GSN: variants seen among roughly 807,000 people sequenced by gnomAD.
The protein encoded by GSN is actin-depolymerizing factor.
Under a neutral mutation model 85.7 loss-of-function variants are expected in GSN, and 56 were observed. The ratio of observed to expected loss-of-function variants is 0.65; its 90% CI spans 0.53 to 0.82. GSN has a LOEUF of 0.82. Among genes scored for constraint, GSN ranks in the 40% least tolerant of loss-of-function variants. GSN has a pLI of 0.00. For synonymous variants in GSN, 373 were observed against 399.1 expected (o/e 0.93, Z 0.78); for missense variants, 857 against 979.8 (o/e 0.87, Z 1.67).
chr9:121,227,663 G>A (rs2054296083), intron 4 of GSN, among the ~76,000 whole-genome samples: 1 of 152,192 alleles, frequency 6.6e-6, no homozygotes, highest in Non-Finnish European at 1.5e-5. Context: ...AGGACACCTA[G>A]CAGATGTCCC....
intron 4 of GSN, among the ~76,000 whole-genome samples, chr9:121,229,369 C>T (rs1465088912): frequency 1.3e-5 from 2 of 152,236 alleles, no homozygotes; most frequent in Admixed American, 6.5e-5. Flanking sequence ...TGCAGGCATG[C>T]GCCACCACAC....
At chr9:121,234,611 C>CT (rs1564347680) in intron 5 of GSN, among the ~76,000 whole-genome samples, 1 of 152,296 alleles carries the variant, frequency 6.6e-6, no homozygotes, top group East Asian at 1.9e-4. Context: ...CATACGATGA[C>CT]TAGGTAAAAG....
intron 1 of GSN, among the ~76,000 whole-genome samples, chr9:121,278,369 C>T (rs946921974): frequency 6.6e-6 from 1 of 152,132 alleles, no homozygotes; most frequent in African/African-American, 2.4e-5. Context: ...GGACAGATAT[C>T]ATGTTACTCC....
chr9:121,297,148 G>C (rs2059295283), intron 2 of GSN, among the ~76,000 whole-genome samples: 1 of 152,198 alleles, frequency 6.6e-6, no homozygotes, highest in Non-Finnish European at 1.5e-5. Flanking sequence ...TAATGAGCAG[G>C]CATCACTATA....
chr9:121,233,132 C>A (rs972819673), intron 5 of GSN, among the ~76,000 whole-genome samples: 1 of 152,114 alleles, frequency 6.6e-6, no homozygotes, highest in Non-Finnish European at 1.5e-5. Context: ...GACTAACAAC[C>A]TCCTCTTCCT....
chr9:121,251,735 G>A (rs948404413), intron 6 of GSN, among the ~76,000 whole-genome samples: 2 of 151,912 alleles, frequency 1.3e-5, no homozygotes, highest in African/African-American at 4.8e-5. Context: ...GAGGCAGGAA[G>A]ATCACCTGAG....
At chr9:121,222,614 A>G (rs1405321028) in intron 4 of GSN, among the ~76,000 whole-genome samples, 5 of 152,192 alleles carry the variant, frequency 3.3e-5, no homozygotes, top group Admixed American at 6.5e-5. Flanking sequence ...TTTGCATTAC[A>G]ATTACCTCTA....
At chr9:121,259,480 A>G (rs915235000) in intron 6 of GSN, among the ~76,000 whole-genome samples, 6 of 152,202 alleles carry the variant, frequency 3.9e-5, no homozygotes, top group Non-Finnish European at 7.3e-5. Flanking sequence ...AAGTATTAGG[A>G]CACGCAGTCC....
intron 4 of GSN, among the ~76,000 whole-genome samples, chr9:121,223,678 G>C (rs922001743): frequency 1.3e-5 from 2 of 150,828 alleles, no homozygotes; most frequent in African/African-American, 4.9e-5. Flanking sequence ...TTATTATTTT[G>C]AGACAGAGTC....
At chr9:121,211,365 A>AAAAC (rs544434229) in intron 4 of GSN, among the ~76,000 whole-genome samples, 1 of 152,236 alleles carries the variant, frequency 6.6e-6, no homozygotes, top group Non-Finnish European at 1.5e-5. Context: ...TATGACAGCA[A>AAAAC]AAACAAACAA....
chr9:121,242,135 G>T (rs1276000426), intron 5 of GSN, among the ~76,000 whole-genome samples: 1 of 152,162 alleles, frequency 6.6e-6, no homozygotes, highest in Non-Finnish European at 1.5e-5. Context: ...TCTTCAGGAA[G>T]ACTTGAGAGT....
At chr9:121,228,420 ATATATTTTTTTTTTTT>A (rs1440793386) in intron 4 of GSN, among the ~76,000 whole-genome samples, 7 of 56,976 alleles carry the variant, frequency 1.2e-4, no homozygotes, top group African/African-American at 6.4e-4. Flanking sequence ...ATATATATAT[ATATATTTTTTTTTTTT>A]TTTTTTTTTT....
intron 4 of GSN, chr9:121,309,957 TGAAAG>T (rs1190834929): frequency 6.9e-6 from 1 of 144,432 alleles, no homozygotes; most frequent in Non-Finnish European, 1.5e-5. Flanking sequence ...GAAACCCTGT[TGAAAG>T]GAAGGAAGAG....
intron 1 of GSN, among the ~76,000 whole-genome samples, chr9:121,208,458 A>T (rs1324033290): frequency 6.6e-6 from 1 of 152,236 alleles, no homozygotes. Flanking sequence ...CTTCCCGCAC[A>T]TGGAAGTCTG....
chr9:121,327,032 G>T, intron 13 of GSN: 1 of 661,920 alleles, frequency 1.5e-6, no homozygotes, highest in East Asian at 2.9e-5. Flanking sequence ...CAGCCTAGAG[G>T]GGAATGGGAC....
At chr9:121,255,714 T>G (rs2054941547) in intron 6 of GSN, among the ~76,000 whole-genome samples, 1 of 152,206 alleles carries the variant, frequency 6.6e-6, no homozygotes, top group Non-Finnish European at 1.5e-5. Flanking sequence ...TTAAATAAAT[T>G]TATTTAAATA....
At chr9:121,202,504 G>T in the GSN span, among the ~76,000 whole-genome samples, 1 of 152,152 alleles carries the variant, frequency 6.6e-6, no homozygotes, top group Admixed American at 6.5e-5. Context: ...CTTTGGGGTT[G>T]CCTTTGACAG....
Position 121,302,122 on chromosome 9 carries a change from C to T in GSN, c.151C>T (p.Gln51Ter), listed in dbSNP as rs1229267148. The change falls in exon 3 of 18, where the codon CAG becomes TAG. Residue 51 changes from glutamine (Q) to a stop codon, truncating the protein, a stop_gained. Coordinates refer to ENST00000432226, the MANE Select transcript of GSN (RefSeq NM_198252.3). LOFTEE classifies it high-confidence loss of function. Reference sequence around the variant, plus strand: ...CGCCTACGTCATCCTGAAGACAGTGCAGCTGAGGAACGGAAATCTGCAGTA... The same window carrying T: ...CGCCTACGTCATCCTGAAGACAGTGTAGCTGAGGAACGGAAATCTGCAGTA... ...GDAYVILKTV[Q>*]LRNGNLQYDL... 1.2e-6 allele frequency: 2 copies of T among 1,614,188 alleles called. 1 individual carries two copies. The highest frequency in any genetic ancestry group is 2.2e-5 in the South Asian group (2 of 91,090).
intron 1 of GSN, among the ~76,000 whole-genome samples, chr9:121,274,526 G>A (rs140495605): frequency 2.0e-5 from 3 of 152,192 alleles, no homozygotes; most frequent in Non-Finnish European, 4.4e-5. Context: ...AAAATTCAGT[G>A]ACACTTGTGA....
Sources: gnomAD v4.1 joint callset for allele counts (sites outside exome capture counted in the v4.1 genomes callset) on GRCh38, gnomAD v4.1.1 for gene constraint, MANE v1.5 for transcripts, NCBI Gene and HGNC (gene_info 2026-07-23, HGNC 2026-07-21) for gene names.